Variants in EPB41L4A observed in about 807,000 individuals in gnomAD.
The protein encoded by EPB41L4A is band 4.1-like protein 4A.
A neutral mutation model predicts 108.6 loss-of-function variants in EPB41L4A; 100 were observed. The ratio of observed to expected loss-of-function variants is 0.92; its 90% CI spans 0.78 to 1.09. The LOEUF (loss-of-function observed/expected upper bound fraction) is 1.09. Ranked by LOEUF, EPB41L4A falls within the 50% of genes least tolerant of loss-of-function variation. The pLI is 0.00. For missense variants in EPB41L4A, 1,030 were observed against 842.7 expected, an observed-to-expected ratio of 1.22 and a Z score of -2.75; for synonymous variants, 319 against 289.0, an observed-to-expected ratio of 1.10 and a Z score of -1.05.
At chr5:112,239,118 T>C (rs1749583256) in intron 11 of EPB41L4A, among the ~76,000 whole-genome samples, 1 of 152,182 alleles carries the variant, frequency 6.6e-6, no homozygotes, top group Admixed American at 6.5e-5. Context: ...GGGCTAATAT[T>C]ACAGAAGATT....
chr5:112,331,039 A>C (rs576744126), intron 1 of EPB41L4A, among the ~76,000 whole-genome samples: 4 of 152,324 alleles, frequency 2.6e-5, no homozygotes, highest in Non-Finnish European at 5.9e-5. Context: ...TTCTCTTCTT[A>C]AAAATCCTTA....
chr5:112,186,859 A>G (rs968347451), intron 17 of EPB41L4A, among the ~76,000 whole-genome samples: 1 of 152,238 alleles, frequency 6.6e-6, no homozygotes, highest in East Asian at 1.9e-4. Flanking sequence ...CCTAGAAGCA[A>G]GAATATTGTA....
intron 1 of EPB41L4A, among the ~76,000 whole-genome samples, chr5:112,325,738 T>A (rs966220204): frequency 1.3e-5 from 2 of 152,224 alleles, no homozygotes; most frequent in East Asian, 1.9e-4. Context: ...CCAGCCCTAC[T>A]TGCAACCTCG....
chr5:112,375,209 G>A (rs1355198673), intron 1 of EPB41L4A, among the ~76,000 whole-genome samples: 3 of 151,966 alleles, frequency 2.0e-5, no homozygotes, highest in Non-Finnish European at 4.4e-5. Context: ...GCCCAGAGTG[G>A]TGCAGGAACA....
chr5:112,275,452 C>A lies in EPB41L4A; in HGVS notation c.257-48G>T. 2.0e-6 allele frequency: 3 copies of A among 1,479,340 alleles called. No individual in the cohort carries two copies. In the South Asian group the frequency reaches 3.8e-5, roughly 19 times the overall value. 91.6% of individuals were successfully genotyped at this position (1,479,340 alleles called of 1,614,324 possible). On this transcript the variant is annotated intron_variant, in intron 3 of 22. Transcript: ENST00000261486. ...AATTTCACTAAAATCATAAATTAGT[C>A]AAAGTTACAGTATAATATTATACAG...
intron 5 of EPB41L4A, among the ~76,000 whole-genome samples, chr5:112,265,261 G>A (rs149897225): frequency 2.6e-5 from 4 of 152,046 alleles, no homozygotes; most frequent in East Asian, 3.9e-4. Flanking sequence ...TTATATCATC[G>A]TTTTTACTTC....
intron 12 of EPB41L4A, among the ~76,000 whole-genome samples, chr5:112,154,048 A>C (rs1334902504): frequency 6.6e-6 from 1 of 152,226 alleles, no homozygotes; most frequent in Non-Finnish European, 1.5e-5. Flanking sequence ...AAAACATTGA[A>C]AAACATTTAA....
chr5:112,242,736 G>C (rs1023761738), intron 9 of EPB41L4A, among the ~76,000 whole-genome samples: 1 of 152,182 alleles, frequency 6.6e-6, no homozygotes, highest in African/African-American at 2.4e-5. Context: ...GAAAGTTGAA[G>C]TTACCTCTTG....
At chr5:112,228,773 C>T in intron 12 of EPB41L4A, 1 of 984,876 alleles carries the variant, frequency 1.0e-6, no homozygotes, top group Non-Finnish European at 1.2e-6. Flanking sequence ...TCCTGCCGTC[C>T]CTTTTCTGGC....
intron 4 of EPB41L4A, among the ~76,000 whole-genome samples, chr5:112,272,421 G>A (rs1258860888): frequency 2.0e-5 from 3 of 151,576 alleles, no homozygotes; most frequent in African/African-American, 4.8e-5. Context: ...GATTACAAGC[G>A]TGAGCCACTG....
chr5:112,307,922 T>C (rs1002293828), intron 1 of EPB41L4A, among the ~76,000 whole-genome samples: 1 of 152,126 alleles, frequency 6.6e-6, no homozygotes, highest in Non-Finnish European at 1.5e-5. Flanking sequence ...AGAAGATATA[T>C]AAAACTAACA....
intron 12 of EPB41L4A, chr5:112,210,246 T>A (rs2150311676): frequency 7.3e-6 from 2 of 275,428 alleles, no homozygotes; most frequent in Admixed American, 5.1e-5. Context: ...CATCTTTAGA[T>A]GTTAAAATAA....
intron 1 of EPB41L4A, among the ~76,000 whole-genome samples, chr5:112,346,342 C>G (rs1482734042): frequency 1.3e-5 from 2 of 148,704 alleles, no homozygotes; most frequent in Non-Finnish European, 3.0e-5. Context: ...TCTCCTGCCT[C>G]AGCCTCCTGT....
At chr5:112,185,587 A>C (rs1377333515) in intron 17 of EPB41L4A, among the ~76,000 whole-genome samples, 2 of 152,188 alleles carry the variant, frequency 1.3e-5, no homozygotes. Flanking sequence ...TTTCCTCACT[A>C]AAGTTTTCAT....
At chr5:112,364,473 C>A (rs932803307) in intron 1 of EPB41L4A, among the ~76,000 whole-genome samples, 17 of 152,164 alleles carry the variant, frequency 1.1e-4, no homozygotes, top group Non-Finnish European at 1.2e-4. Flanking sequence ...GTATTACTGC[C>A]AAATTCCTAC....
chr5:112,228,862 T>C, intron 12 of EPB41L4A: 1 of 384,028 alleles, frequency 2.6e-6, no homozygotes, highest in Non-Finnish European at 3.6e-6. Context: ...CTCCTCTGGG[T>C]GGGGAAGCAG....
intron 11 of EPB41L4A, among the ~76,000 whole-genome samples, chr5:112,234,993 T>C (rs554393991): frequency 6.6e-6 from 1 of 152,234 alleles, no homozygotes; most frequent in East Asian, 1.9e-4. Flanking sequence ...AAAGAATTTA[T>C]TAAAGGAGGA....
chr5:112,170,052 CATT>C (rs1760485506), intron 20 of EPB41L4A: 4 of 434,174 alleles, frequency 9.2e-6, no homozygotes, highest in African/African-American at 2.1e-5. Context: ...TTAAAACTGA[CATT>C]AATCAGGAAA....
At chr5:112,231,754 C>T (rs1195188389) in intron 12 of EPB41L4A, among the ~76,000 whole-genome samples, 1 of 133,146 alleles carries the variant, frequency 7.5e-6, no homozygotes, top group African/African-American at 2.8e-5. Flanking sequence ...CACTGCAGTC[C>T]GCAGTCCGGC....
Sources: allele counts gnomAD v4.1 joint callset (sites outside exome capture counted in the v4.1 genomes callset), GRCh38; gene constraint gnomAD v4.1.1; transcripts MANE v1.5; gene names NCBI Gene and HGNC (gene_info 2026-07-23, HGNC 2026-07-21).